SEMA3E: variants seen among roughly 807,000 people sequenced by gnomAD.
SEMA3E encodes the protein semaphorin 3E, also known as semaphorin-3E.
In SEMA3E, 49 loss-of-function variants were observed where a neutral mutation model predicts 93.6. That is an observed-to-expected ratio of 0.52 (90% CI 0.42 to 0.66). SEMA3E has a LOEUF of 0.66. Among genes scored for constraint, SEMA3E ranks in the 30% least tolerant of loss-of-function variants. The pLI is 0.00. For synonymous variants in SEMA3E, 363 were observed against 330.7 expected (o/e 1.10, Z -1.06); for missense variants, 906 against 964.8 (o/e 0.94, Z 0.81).
At chr7:83,557,545 T>A (rs1324728289) in intron 1 of SEMA3E, among the ~76,000 whole-genome samples, 1 of 152,044 alleles carries the variant, frequency 6.6e-6, no homozygotes, top group East Asian at 1.9e-4. Flanking sequence ...TCATTAATAT[T>A]TTAAACTAAT....
chr7:83,371,290 T>C (rs1794745649), intron 16 of SEMA3E, among the ~76,000 whole-genome samples: 1 of 152,040 alleles, frequency 6.6e-6, no homozygotes, highest in African/African-American at 2.4e-5. Flanking sequence ...TGAAACAACA[T>C]CCCCATGTAG....
chr7:83,595,704 G>A (rs1311172868), intron 1 of SEMA3E, among the ~76,000 whole-genome samples: 1 of 151,828 alleles, frequency 6.6e-6, no homozygotes, highest in African/African-American at 2.4e-5. Context: ...TTTCTCTGGT[G>A]TTTTCTCATA....
At chr7:83,574,473 AG>A (rs1792359019) in intron 1 of SEMA3E, among the ~76,000 whole-genome samples, 3 of 48,698 alleles carry the variant, frequency 6.2e-5, no homozygotes, top group Admixed American at 2.1e-4. Context: ...AAAAAAAAAG[AG>A]AGAGAGAGAC....
intron 1 of SEMA3E, among the ~76,000 whole-genome samples, chr7:83,569,162 A>T (rs906868712): frequency 1.3e-5 from 2 of 151,958 alleles, no homozygotes; most frequent in South Asian, 4.1e-4. Flanking sequence ...AAAATCTTAT[A>T]AATAAATTTA....
chr7:83,419,440 T>G (rs1257963077), intron 4 of SEMA3E, among the ~76,000 whole-genome samples: 3 of 152,180 alleles, frequency 2.0e-5, no homozygotes, highest in Non-Finnish European at 4.4e-5. Context: ...CCTTTGGAAA[T>G]TTACCCAGTA....
chr7:83,485,733 G>A (rs577505771), intron 2 of SEMA3E, among the ~76,000 whole-genome samples: 1 of 152,052 alleles, frequency 6.6e-6, no homozygotes, highest in South Asian at 2.1e-4. Flanking sequence ...GTAGTAGGTA[G>A]TAATTGCTCC....
intron 1 of SEMA3E, among the ~76,000 whole-genome samples, chr7:83,493,663 A>G (rs867868676): frequency 6.6e-6 from 1 of 151,986 alleles, no homozygotes; most frequent in South Asian, 2.1e-4. Flanking sequence ...GCCATTCAAC[A>G]AAACAGTGAC....
At chr7:83,558,087 A>G (rs2191534) in intron 1 of SEMA3E, among the ~76,000 whole-genome samples, 19,209 of 152,178 alleles carry the variant, frequency 0.13, 1,315 homozygotes, top group East Asian at 0.2. Flanking sequence ...TGTGTAACAT[A>G]TATTCCTAAT....
intron 4 of SEMA3E, among the ~76,000 whole-genome samples, chr7:83,458,592 T>TGG (rs1323531482): frequency 6.6e-6 from 1 of 151,714 alleles, no homozygotes; most frequent in African/African-American, 2.4e-5. Context: ...GCCTGGAAAG[T>TGG]TGAAAAAGGT....
intron 4 of SEMA3E, among the ~76,000 whole-genome samples, chr7:83,465,259 C>T (rs890722319): frequency 3.9e-5 from 6 of 152,026 alleles, no homozygotes; most frequent in African/African-American, 1.5e-4. Context: ...TGTAAAACGG[C>T]CCCACCCTTA....
intron 1 of SEMA3E, among the ~76,000 whole-genome samples, chr7:83,556,461 C>T (rs1157710895): frequency 2.0e-5 from 3 of 152,026 alleles, no homozygotes; most frequent in Non-Finnish European, 4.4e-5. Context: ...ATGATTCATG[C>T]TATCATGTAT....
At chr7:83,562,464 TTTTATTTATTTA>T (rs149261610) in intron 1 of SEMA3E, among the ~76,000 whole-genome samples, 1,531 of 141,074 alleles carry the variant, frequency 0.011, 24 homozygotes, top group African/African-American at 0.037. Context: ...TGAACTTCCT[TTTTATTTATTTA>T]TTTATTTATT....
intron 1 of SEMA3E, among the ~76,000 whole-genome samples, chr7:83,580,135 T>A (rs1368970153): frequency 6.6e-6 from 1 of 152,080 alleles, no homozygotes; most frequent in Admixed American, 6.6e-5. Context: ...ATGAAGTCGA[T>A]GACATCTTAA....
chr7:83,469,291 C>A lies in SEMA3E; in HGVS notation c.288G>T (p.Pro96=), dbSNP rs1324302570. 7 of 1,609,384 alleles carry A rather than the reference C, an allele frequency of 4.3e-6. No individual in the cohort carries two copies. Among genetic ancestry groups the A allele is most frequent in the Non-Finnish European group, 5.1e-6 (6 of 1,176,562 alleles). Residue 96 remains proline (P), a synonymous_variant, in exon 3 of 17, where the codon CCG becomes CCT. Transcript: ENST00000643230. ...ATTCTTCCATTTTTAGAGCTGTACT[C>A]GGCCAGTGTATCTAAAATAAAAGAT... is the stretch of plus-strand genomic sequence containing the variant. ...ISDGYKEIHW[P]STALKMEECI... is the part of the protein sequence containing the mutation.
At chr7:83,489,719 G>A (rs1430517916) in intron 2 of SEMA3E, among the ~76,000 whole-genome samples, 1 of 147,612 alleles carries the variant, frequency 6.8e-6, no homozygotes, top group Non-Finnish European at 1.5e-5. Context: ...AGAACTATAT[G>A]AGGTAGTTAT....
chr7:83,390,964 AC>A (rs1788008065), intron 14 of SEMA3E, among the ~76,000 whole-genome samples: 1 of 152,298 alleles, frequency 6.6e-6, no homozygotes, highest in East Asian at 1.9e-4. Context: ...TGCATGCCTA[AC>A]ACAAAACCCT....
At chr7:83,533,713 C>T (rs971439425) in intron 1 of SEMA3E, among the ~76,000 whole-genome samples, 6 of 152,134 alleles carry the variant, frequency 3.9e-5, no homozygotes, top group Non-Finnish European at 7.3e-5. Context: ...CCCTACTGTG[C>T]CTCCATCTGA....
At chr7:83,513,375 C>G (rs2535374) in intron 1 of SEMA3E, among the ~76,000 whole-genome samples, 137,519 of 152,236 alleles carry the variant, frequency 0.9, 62,372 homozygotes, top group African/African-American at 0.97. Flanking sequence ...GCTCCACACA[C>G]AGTTCCCAGG....
chr7:83,602,364 C>G (rs1173349000), intron 1 of SEMA3E, among the ~76,000 whole-genome samples: 1 of 152,196 alleles, frequency 6.6e-6, no homozygotes, highest in East Asian at 1.9e-4. Flanking sequence ...TCACAAACTT[C>G]TTTTGATACT....
Sources: gnomAD v4.1 joint callset for allele counts (sites outside exome capture counted in the v4.1 genomes callset) on GRCh38, gnomAD v4.1.1 for gene constraint, MANE v1.5 for transcripts, NCBI Gene and HGNC (gene_info 2026-07-23, HGNC 2026-07-21) for gene names.